The following SS18L1 variants were observed in gnomAD, a reference collection of about 807,000 sequenced individuals.
SS18L1 encodes SS18L1 subunit of BAF chromatin remodeling complex.
Under a neutral mutation model 70.3 loss-of-function variants are expected in SS18L1, and 32 were observed. The observed-to-expected ratio is 0.46, with a 90% CI of 0.34 to 0.61. The LOEUF is 0.61. Ranked by LOEUF, SS18L1 falls within the 20% of genes least tolerant of loss-of-function variation. The pLI, the probability that SS18L1 is intolerant of heterozygous loss-of-function variation, is 0.01. For missense variants in SS18L1, 430 were observed against 542.1 expected (o/e 0.79, Z 2.05); for synonymous variants, 237 against 229.7 (o/e 1.03, Z -0.29).
At chr20:62,144,061 G>A (rs1003318876) in intron 1 of SS18L1, among the ~76,000 whole-genome samples, 172 bp downstream of exon 1, 1 of 148,864 alleles carries the variant, frequency 6.7e-6, no homozygotes, top group Non-Finnish European at 1.5e-5. Flanking sequence ...ACGCCTGCGC[G>A]CCGGCGGGCA....
intron 8 of SS18L1, among the ~76,000 whole-genome samples, chr20:62,171,842 G>C (rs1362132806): frequency 3.3e-5 from 5 of 151,762 alleles, no homozygotes; most frequent in African/African-American, 1.2e-4. Context: ...AACATAGAGA[G>C]ACCCTGTCTC....
At chr20:62,167,979 CTTTT>C (rs575045754) in intron 8 of SS18L1, among the ~76,000 whole-genome samples, 9,162 of 104,960 alleles carry the variant, frequency 0.087, 375 homozygotes, top group South Asian at 0.22. Flanking sequence ...CCAGGCCTGG[CTTTT>C]TTTTTTTTTT....
In SS18L1 at chr20:62,181,287, A is replaced by G. The variant is rs1204384611; in HGVS notation, c.*2079A>G. ...AGAGTTCTTAATTGCTAATTGACAAACGCGTTAGCAATTTCAGTTAGGGAG... is the reference window on the plus strand; with the variant it reads ...AGAGTTCTTAATTGCTAATTGACAAGCGCGTTAGCAATTTCAGTTAGGGAG... On this transcript the variant is annotated 3_prime_UTR_variant, in exon 11 of 11. Transcript: ENST00000331758. 3 of 209,330 alleles carry G rather than the reference A, an allele frequency of 1.4e-5. No individual in the cohort carries two copies. Among genetic ancestry groups the G allele is most frequent in the Non-Finnish European group, 9.7e-6 (1 of 102,800 alleles). The allele number at this position is 209,330 out of a possible 1,614,324, so 13.0% of individuals were successfully genotyped here.
chr20:62,160,686 G>A (rs1042981601), intron 3 of SS18L1, among the ~76,000 whole-genome samples: 9 of 152,306 alleles, frequency 5.9e-5, no homozygotes, highest in African/African-American at 1.4e-4. Flanking sequence ...CGGGAATGAC[G>A]TATCTCCTAG....
rs376398396 is a variant in SS18L1, at chr20:62,163,652, A to G, written c.721+30A>G. On this transcript the variant is annotated intron_variant, in intron 6 of 10. Transcript: ENST00000331758. The stretch of plus-strand genomic sequence containing the variant: ...CGCCCGGCCGGGCCAGGTCGCGGGC[A>G]CAGCTGACCGCCGCGGGTCGTGAAG... The G allele has an allele frequency of 7.2e-6, 11 of 1,522,628 alleles. No individual in the cohort carries two copies. In the African/African-American group the frequency reaches 1.5e-4, roughly 21 times the overall value. 94.3% of individuals were successfully genotyped at this position (1,522,628 alleles called of 1,614,324 possible). A position where few individuals can be genotyped will look rare whatever the true frequency, so the allele number is the denominator to read the frequency against.
intron 1 of SS18L1, among the ~76,000 whole-genome samples, chr20:62,150,491 A>C (rs2057106987): frequency 6.6e-6 from 1 of 152,220 alleles, no homozygotes. Flanking sequence ...GTCTGTGTCC[A>C]CGCCATGCGT....
At chr20:62,156,214 C>T (rs1015629406) in intron 1 of SS18L1, among the ~76,000 whole-genome samples, 1 of 152,160 alleles carries the variant, frequency 6.6e-6, no homozygotes, top group African/African-American at 2.4e-5. Context: ...AGTTCGTGTC[C>T]CTGGAGACAA....
rs993050353 is a variant in SS18L1 at position 62,158,146 on chromosome 20, G to A, written c.70-526G>A. ...ACAGGGTCCTGACATCCTTGCCATCGGCTTGGCTGACCCTTGCTGCACAGA... is the reference window on the plus strand; with the variant it reads ...ACAGGGTCCTGACATCCTTGCCATCAGCTTGGCTGACCCTTGCTGCACAGA... On this transcript the variant is annotated intron_variant, in intron 1 of 10. Transcript: ENST00000331758. The surrounding 1 kb of genome is among the most constrained non-coding windows in gnomAD (Gnocchi z 4.5). Among the ~76,000 whole-genome samples, 1 of 152,130 alleles carries A rather than the reference G, an allele frequency of 6.6e-6. No individual in the cohort carries two copies. Among genetic ancestry groups the A allele is most frequent in the African/African-American group, 2.4e-5 (1 of 41,432 alleles).
Position 62,159,634 on chromosome 20 carries a change from G to C in SS18L1, c.147-243G>C, listed in dbSNP as rs1417296471. Among the ~76,000 whole-genome samples the C allele has an allele frequency of 2.0e-5, 3 of 152,084 alleles. No homozygotes were observed. Among genetic ancestry groups the C allele is most frequent in the Non-Finnish European group, 4.4e-5 (3 of 68,016 alleles). On this transcript the variant is annotated intron_variant, in intron 2 of 10. Transcript: ENST00000331758. This position sits in a 1 kb window ranked among gnomAD's most constrained non-coding sequence, Gnocchi z 4.4. ...TAGCTGTTACCTTAGAGTCTTTCCAGAGTTTTTGTCATGGGTTGGGAGCCT... is the reference window on the plus strand; with the variant it reads ...TAGCTGTTACCTTAGAGTCTTTCCACAGTTTTTGTCATGGGTTGGGAGCCT...
At chr20:62,151,145 C>G (rs1341011513) in intron 1 of SS18L1, among the ~76,000 whole-genome samples, 1 of 152,142 alleles carries the variant, frequency 6.6e-6, no homozygotes, top group Non-Finnish European at 1.5e-5. Context: ...GAGCCCCTCA[C>G]CCAGGTTTTT....
chr20:62,158,547 A>G lies in SS18L1; in HGVS notation c.70-125A>G. 1 of 1,442,530 alleles carries G rather than the reference A, an allele frequency of 6.9e-7. No individual in the cohort carries two copies. The highest frequency in any genetic ancestry group is 9.3e-7 in the Non-Finnish European group (1 of 1,077,470). 89.4% of individuals were successfully genotyped at this position (1,442,530 alleles called of 1,614,324 possible). On this transcript the variant is annotated intron_variant, in intron 1 of 10. Coordinates refer to ENST00000331758, the MANE Select transcript of SS18L1 (RefSeq NM_198935.3). The surrounding 1 kb of genome is among the most constrained non-coding windows in gnomAD (Gnocchi z 4.5). ...ATCCCCAAATCTGGAAAAATCTGAA[A>G]TCTGACACGTTTCACGTAAGGGACG... is the stretch of plus-strand genomic sequence containing the variant.
intron 10 of SS18L1, chr20:62,175,481 G>T (rs2057605072): frequency 2.0e-6 from 2 of 983,032 alleles, no homozygotes; most frequent in South Asian, 9.4e-5. Context: ...TGAGGCACCA[G>T]GAGGTTTGTC....
intron 1 of SS18L1, among the ~76,000 whole-genome samples, chr20:62,147,839 C>G (rs1350286347): frequency 1.3e-5 from 2 of 152,014 alleles, no homozygotes; most frequent in African/African-American, 4.8e-5. Context: ...GTCCTTGGTA[C>G]CCAGGTGCGG....
At chr20:62,145,319 G>GC (rs983960805) in intron 1 of SS18L1, among the ~76,000 whole-genome samples, 6 of 5,318 alleles carry the variant, frequency 1.1e-3, no homozygotes, top group East Asian at 7.1e-3. Context: ...CTGAGGCCTA[G>GC]GGGGGCTAAA....
At chr20:62,146,726 TCTC>T (rs1206670334) in intron 1 of SS18L1, among the ~76,000 whole-genome samples, 1 of 146,158 alleles carries the variant, frequency 6.8e-6, no homozygotes, top group Admixed American at 7.3e-5. Flanking sequence ...TTCAAGCGAT[TCTC>T]CTGCCTCAGC....
Position 62,165,444 on chromosome 20 carries a change from G to A in SS18L1, c.846G>A (p.Gln282=), listed in dbSNP as rs769829122. ...YPDGHGDYAY[Q]QSSYTEQSYD... The stretch of plus-strand genomic sequence containing the variant: ...CAGGCCATGGCGATTACGCCTACCA[G>A]CAGTCATCCTACACGGAGCAGAGCT... The change falls in exon 8 of 11, where the codon CAG becomes CAA. Residue 282 remains glutamine (Q), a synonymous_variant. Transcript: ENST00000331758. 5.6e-6 allele frequency: 9 copies of A among 1,612,716 alleles called. No homozygotes were observed. The Admixed American group carries it at 1.3e-4, about 24-fold the overall frequency.
rs1020827070 is a variant in SS18L1 at position 62,161,255 on chromosome 20, A to C, written c.232-181A>C. Among the ~76,000 whole-genome samples the C allele has an allele frequency of 6.6e-6, 1 of 150,614 alleles. No homozygotes were observed. The highest frequency in any genetic ancestry group is 1.5e-5 in the Non-Finnish European group (1 of 67,788). On this transcript the variant is annotated intron_variant, in intron 3 of 10. Transcript: ENST00000331758. This position sits in a 1 kb window ranked among gnomAD's most constrained non-coding sequence, Gnocchi z 4.4. ...CCCAGATGCTCACTCTGCCATCTCC[A>C]TCTGGGCCTGGTGCTCTGCGGTCAC...
In SS18L1 at chr20:62,174,909, G is replaced by T. The variant is rs937961218; in HGVS notation, c.1164+265G>T. 32 of 985,348 alleles carry T rather than the reference G, an allele frequency of 3.2e-5. No individual in the cohort carries two copies. In the African/African-American group the frequency reaches 4.9e-4, roughly 15 times the overall value. 61.0% of individuals were successfully genotyped at this position (985,348 alleles called of 1,614,324 possible). ...GTTCTCACATTCATTCACTCTGCCA[G>T]TGTTTGTCACGTACTGGGTACGCGT... is the stretch of plus-strand genomic sequence containing the variant. On this transcript the variant is annotated intron_variant, in intron 10 of 10. Transcript: ENST00000331758. The surrounding 1 kb of genome is among the most constrained non-coding windows in gnomAD (Gnocchi z 4.1).
intron 3 of SS18L1, among the ~76,000 whole-genome samples, chr20:62,160,704 T>C (rs1318120455): frequency 6.6e-6 from 1 of 152,176 alleles, no homozygotes; most frequent in Non-Finnish European, 1.5e-5. Flanking sequence ...TAGTGACCCT[T>C]AGTCCTCGGC....
Sources: gnomAD v4.1 joint callset for allele counts (sites outside exome capture counted in the v4.1 genomes callset) on GRCh38, gnomAD v4.1.1 for gene constraint, Gnocchi (gnomAD v3.1) non-coding constraint, MANE v1.5 for transcripts, NCBI Gene and HGNC (gene_info 2026-07-23, HGNC 2026-07-21) for gene names.